The following SHROOM3 variants were observed in gnomAD, a reference collection of about 807,000 sequenced individuals.
SHROOM3 encodes the protein protein Shroom3.
Under a neutral mutation model 138.6 loss-of-function variants are expected in SHROOM3, and 47 were observed. The ratio of observed to expected loss-of-function variants is 0.34; its 90% CI spans 0.27 to 0.43. The LOEUF (loss-of-function observed/expected upper bound fraction) is 0.43, where lower values mean the gene tolerates loss of function less well. Ranked by LOEUF, SHROOM3 falls within the 20% of genes least tolerant of loss-of-function variation. The probability of loss-of-function intolerance (pLI) is 1.00; values close to 1 mark genes in which losing one functional copy is unlikely to be tolerated. For synonymous variants in SHROOM3, 1,062 were observed against 1,063.3 expected, an observed-to-expected ratio of 1.00 and a Z score of 0.02; for missense variants, 2,491 against 2,596.5, an observed-to-expected ratio of 0.96 and a Z score of 0.88.
Position 76,435,977 on chromosome 4 carries a change from T to C in SHROOM3, c.-76T>C. 6.6e-7 allele frequency: 1 copy of C among 1,526,598 alleles called. No individual in the cohort carries two copies. The highest frequency in any genetic ancestry group is 1.2e-5 in the South Asian group (1 of 85,282). The allele number at this position is 1,526,598 out of a possible 1,614,324, so 94.6% of individuals were successfully genotyped here. A position where few individuals can be genotyped will look rare whatever the true frequency, so the allele number is the denominator to read the frequency against. On this transcript the variant is annotated 5_prime_UTR_variant, in exon 1 of 11. Coordinates refer to ENST00000296043, the MANE Select transcript of SHROOM3 (RefSeq NM_020859.4). ...TGTGTGTCCTGAAGGATGGGACAAC[T>C]TGTGCTGTAGAAGCACTGCTTGCCT...
intron 2 of SHROOM3, among the ~76,000 whole-genome samples, chr4:76,568,512 A>C (rs1431138802): frequency 6.6e-6 from 1 of 152,102 alleles, no homozygotes; most frequent in Non-Finnish European, 1.5e-5. Context: ...TGTATCCCCC[A>C]CCAAAGAAGG....
At chr4:76,588,559 A>G (rs907806152) in intron 2 of SHROOM3, among the ~76,000 whole-genome samples, 1 of 152,106 alleles carries the variant, frequency 6.6e-6, no homozygotes, top group Non-Finnish European at 1.5e-5. Context: ...GGAAGGTTGC[A>G]AACATCAGAC....
At chr4:76,472,945 G>A (rs960280564) in intron 1 of SHROOM3, among the ~76,000 whole-genome samples, 3 of 152,240 alleles carry the variant, frequency 2.0e-5, no homozygotes, top group Non-Finnish European at 4.4e-5. Context: ...CGCCCACCGC[G>A]GCTTCCCAAA....
At chr4:76,726,583 G>A (rs1419195325) in intron 3 of SHROOM3, among the ~76,000 whole-genome samples, 1 of 148,286 alleles carries the variant, frequency 6.7e-6, no homozygotes, top group Admixed American at 6.8e-5. Context: ...CTGTCTCTCT[G>A]GAAGCTGCAA....
rs190073958 is a variant in SHROOM3 at position 76,459,026 on chromosome 4, G to A, written c.168+22806G>A. ...GCAGCAGGGGGGCGGGGATTGGAAA[G>A]GGCCTGGAGCAGCTGCGGTTCATTT... On this transcript the variant is annotated intron_variant, in intron 1 of 10. Transcript: ENST00000296043. Among the ~76,000 whole-genome samples the A allele has an allele frequency of 5.7e-3, 873 of 152,278 alleles. 7 individuals carry two copies. The highest frequency in any genetic ancestry group is 0.02 in the African/African-American group (840 of 41,542).
chr4:76,510,144 T>C (rs1289904208), intron 1 of SHROOM3, among the ~76,000 whole-genome samples: 1 of 152,164 alleles, frequency 6.6e-6, no homozygotes, highest in Non-Finnish European at 1.5e-5. Flanking sequence ...AAATCTATCA[T>C]TAAAATACTG....
chr4:76,517,418 A>T (rs1188093592), intron 1 of SHROOM3, among the ~76,000 whole-genome samples: 1 of 152,146 alleles, frequency 6.6e-6, no homozygotes, highest in East Asian at 1.9e-4. Flanking sequence ...AATACAGAAC[A>T]TCCCTAACCC....
intron 1 of SHROOM3, among the ~76,000 whole-genome samples, chr4:76,460,001 G>A (rs1343478722): frequency 6.6e-6 from 1 of 152,138 alleles, no homozygotes; most frequent in East Asian, 1.9e-4. Context: ...ATATGAAAAT[G>A]TTTGTTACAT....
chr4:76,753,312 C>T (rs13109929), intron 6 of SHROOM3, among the ~76,000 whole-genome samples: 37,152 of 152,106 alleles, frequency 0.24, 4,773 homozygotes, highest in East Asian at 0.32. Flanking sequence ...CCATCTTCTT[C>T]CACCACATGC....
At chr4:76,729,439 A>G (rs370269737) in intron 3 of SHROOM3, among the ~76,000 whole-genome samples, 26 of 152,198 alleles carry the variant, frequency 1.7e-4, no homozygotes, top group African/African-American at 5.8e-4. Context: ...AAATTTGTGT[A>G]TTTGTTTCCC....
intron 2 of SHROOM3, among the ~76,000 whole-genome samples, chr4:76,602,290 A>T (rs992513127): frequency 4.6e-5 from 7 of 152,210 alleles, no homozygotes; most frequent in African/African-American, 1.7e-4. Context: ...AAAAAATTAC[A>T]AAGTCCTGTA....
At chr4:76,454,888 T>C (rs1340868191) in intron 1 of SHROOM3, among the ~76,000 whole-genome samples, 2 of 152,204 alleles carry the variant, frequency 1.3e-5, no homozygotes, top group Non-Finnish European at 2.9e-5. Flanking sequence ...AGTTTATTAC[T>C]AAGCATTTTA....
chr4:76,508,451 C>T (rs910585528), intron 1 of SHROOM3, among the ~76,000 whole-genome samples: 10 of 152,184 alleles, frequency 6.6e-5, no homozygotes, highest in Non-Finnish European at 1.3e-4. Flanking sequence ...GTCTTGATTA[C>T]TGTGGCTTTG....
At chr4:76,506,481 G>A (rs1407083906) in intron 1 of SHROOM3, among the ~76,000 whole-genome samples, 1 of 152,150 alleles carries the variant, frequency 6.6e-6, no homozygotes, top group Non-Finnish European at 1.5e-5. Flanking sequence ...CATGGATTTT[G>A]GTGTCTGTGG....
At chr4:76,727,068 C>T (rs2110126486) in intron 3 of SHROOM3, among the ~76,000 whole-genome samples, 1 of 152,176 alleles carries the variant, frequency 6.6e-6, no homozygotes, top group East Asian at 1.9e-4. Flanking sequence ...ATTTCTACTA[C>T]TGAGAGTGAT....
intron 2 of SHROOM3, among the ~76,000 whole-genome samples, chr4:76,702,582 A>T (rs1719932638): frequency 6.6e-6 from 1 of 152,216 alleles, no homozygotes; most frequent in Non-Finnish European, 1.5e-5. Flanking sequence ...CAGAGCCAGA[A>T]CAGGACCCCA....
At chr4:76,464,920 T>C (rs569637212) in intron 1 of SHROOM3, among the ~76,000 whole-genome samples, 5 of 152,190 alleles carry the variant, frequency 3.3e-5, no homozygotes, top group Non-Finnish European at 7.3e-5. Flanking sequence ...CTTCATAAAT[T>C]ACCCAATCTC....
Position 76,508,774 on chromosome 4 carries a change from C to T in SHROOM3, c.169-46835C>T, listed in dbSNP as rs375442144. On this transcript the variant is annotated intron_variant, in intron 1 of 10. Coordinates refer to ENST00000296043, the MANE Select transcript of SHROOM3 (RefSeq NM_020859.4). ...GTATATGTGTCATGGTACATTTTTG[C>T]TGCCATAACAAAATACCTTAGACCA... Among the ~76,000 whole-genome samples, 5 of 152,102 alleles carry T rather than the reference C, an allele frequency of 3.3e-5. No homozygotes were observed. The East Asian group carries it at 5.8e-4, about 18-fold the overall frequency.
chr4:76,640,146 C>G (rs1735623375), intron 2 of SHROOM3, among the ~76,000 whole-genome samples: 1 of 152,068 alleles, frequency 6.6e-6, no homozygotes, highest in African/African-American at 2.4e-5. Context: ...AGTTCACGCT[C>G]AAAGAATTTG....
Sources: allele counts gnomAD v4.1 joint callset (sites outside exome capture counted in the v4.1 genomes callset), GRCh38; gene constraint gnomAD v4.1.1; transcripts MANE v1.5; gene names NCBI Gene and HGNC (gene_info 2026-07-23, HGNC 2026-07-21).